ZNF540: variants seen among roughly 807,000 people sequenced by gnomAD.
ZNF540 encodes the protein CTD-3064H18.6.
ZNF540 carries 3 observed loss-of-function variants against 11.8 expected under a neutral mutation model. The ratio of observed to expected loss-of-function variants is 0.25; its 90% CI spans 0.12 to 0.65. The LOEUF is 0.65. ZNF540 is among the 30% of genes least tolerant of loss of function. ZNF540 has a pLI of 0.83. For missense variants in ZNF540, 709 were observed against 793.1 expected (o/e 0.89, Z 1.27); for synonymous variants, 247 against 259.0 (o/e 0.95, Z 0.45).
chr19:37,591,685 C>T (rs941984524), upstream of ZNF540, among the ~76,000 whole-genome samples: 1 of 152,032 alleles, frequency 6.6e-6, no homozygotes, highest in Non-Finnish European at 1.5e-5. Flanking sequence ...GCTGGGATTA[C>T]AGGAATGTGC....
chr19:37,568,946 G>T (rs775566587), intron 1 of ZNF540, among the ~76,000 whole-genome samples: 1 of 151,692 alleles, frequency 6.6e-6, no homozygotes, highest in South Asian at 2.1e-4. Context: ...GCTGACACTC[G>T]GGAAGCCCAA....
chr19:37,588,649 C>T (rs577242008), intron 1 of ZNF540, among the ~76,000 whole-genome samples: 2 of 152,148 alleles, frequency 1.3e-5, no homozygotes, highest in African/African-American at 4.8e-5. Flanking sequence ...CCCCAAACCT[C>T]GGCATCACAC....
intron 1 of ZNF540, among the ~76,000 whole-genome samples, chr19:37,581,313 A>G (rs2043451031): frequency 6.6e-6 from 1 of 152,156 alleles, no homozygotes; most frequent in East Asian, 1.9e-4. Flanking sequence ...ATAATAATAC[A>G]TAATGTCAAA....
chr19:37,557,759 A>G (rs2042675740), intron 1 of ZNF540, among the ~76,000 whole-genome samples: 1 of 152,222 alleles, frequency 6.6e-6, no homozygotes, highest in Non-Finnish European at 1.5e-5. Context: ...ATATTGCAAG[A>G]TGCGAGCATT....
At chr19:37,593,115 CTTAT>C (rs1328093311), upstream of ZNF540, among the ~76,000 whole-genome samples, 1 of 151,272 alleles carries the variant, frequency 6.6e-6, no homozygotes, top group Non-Finnish European at 1.5e-5. Context: ...TTGTTTTAAA[CTTAT>C]TGTTAGTTTT....
Position 37,599,647 on chromosome 19 carries a change from G to A in ZNF540, c.31G>A (p.Val11Met). ...TCAGGCATTGGTGACGTTCAGGGAT[G>A]TGGCTATAGACTTCTCTCAGAAGGA... The part of the protein sequence containing the change: MAHALVTFRD[V>M]AIDFSQKEWE... The change falls in exon 3 of 5, where the codon GTG becomes ATG. Residue 11 changes from valine to methionine, a missense_variant. Val to Met is a conservative substitution (Grantham distance 21). Coordinates refer to ENST00000316433, the MANE Select transcript of ZNF540 (RefSeq NM_001172225.3). The A allele has an allele frequency of 6.2e-7, 1 of 1,614,110 alleles. No homozygotes were observed. The highest frequency in any genetic ancestry group is 8.5e-7 in the Non-Finnish European group (1 of 1,179,988).
intron 4 of ZNF540, among the ~76,000 whole-genome samples, chr19:37,609,545 G>T (rs576956822): frequency 6.7e-6 from 1 of 148,530 alleles, no homozygotes; most frequent in African/African-American, 2.5e-5. Flanking sequence ...ACTCTGTCTT[G>T]GGGGGCAAAA....
rs370398471 is a variant in ZNF540 at position 37,612,732 on chromosome 19, A to G, written c.1452A>G (p.Leu484=). 4 of 1,614,006 alleles carry G rather than the reference A, an allele frequency of 2.5e-6. No individual in the cohort carries two copies. Among genetic ancestry groups the G allele is most frequent in the Non-Finnish European group, 3.4e-6 (4 of 1,179,994 alleles). The change falls in exon 5 of 5, where the codon CTA becomes CTG. Residue 484 remains leucine (L), a synonymous_variant. Transcript: ENST00000316433. The stretch of plus-strand genomic sequence containing the variant: ...TTCGAGTTCGTTCTCAAATTAGTCT[A>G]CATAAGAAAATTCATACTGATGTGA... ...KTFRVRSQIS[L]HKKIHTDVKP... is the part of the protein sequence containing the mutation.
chr19:37,589,200 C>A (rs1475679174), intron 1 of ZNF540, among the ~76,000 whole-genome samples: 410 of 108,584 alleles, frequency 3.8e-3, no homozygotes, highest in Middle Eastern at 9.7e-3. Flanking sequence ...AACTCCGTCT[C>A]AAAAAAAAAA....
intron 1 of ZNF540, among the ~76,000 whole-genome samples, chr19:37,574,128 T>A (rs1319328773): frequency 1.3e-5 from 2 of 152,190 alleles, no homozygotes; most frequent in Non-Finnish European, 2.9e-5. Flanking sequence ...GGAGGCCTAT[T>A]TAAAACTATA....
chr19:37,579,403 A>G (rs759393192), intron 1 of ZNF540, among the ~76,000 whole-genome samples: 1 of 152,166 alleles, frequency 6.6e-6, no homozygotes, highest in Non-Finnish European at 1.5e-5. Context: ...CACAACACCC[A>G]TTCACACAGG....
intron 1 of ZNF540, among the ~76,000 whole-genome samples, chr19:37,556,995 G>A (rs1046007820): frequency 1.3e-5 from 2 of 152,126 alleles, no homozygotes; most frequent in South Asian, 2.1e-4. Flanking sequence ...GGTGAAGGCC[G>A]GTCCATTATC....
In ZNF540 at chr19:37,611,695, A is replaced by G. The variant is rs375750130; in HGVS notation, c.415A>G (p.Ile139Val). 10 of 1,613,832 alleles carry G rather than the reference A, an allele frequency of 6.2e-6. No individual in the cohort carries two copies. Among genetic ancestry groups the G allele is most frequent in the Non-Finnish European group, 7.6e-6 (9 of 1,179,954 alleles). Residue 139 changes from isoleucine (I) to valine (V), a missense_variant, in exon 5 of 5, where the codon ATC (isoleucine) becomes GTC (valine). Coordinates refer to ENST00000316433, the MANE Select transcript of ZNF540 (RefSeq NM_001172225.3). Reference sequence around the variant, plus strand: ...TCAACAGGGACTTAAAGAAAGATCTATCAGTCAAAAGAAAATCGTCTCTAA... The same window carrying G: ...TCAACAGGGACTTAAAGAAAGATCTGTCAGTCAAAAGAAAATCGTCTCTAA... ...EGQQGLKERS[I>V]SQKKIVSKKM...
At chr19:37,570,047 A>C (rs763121900) in intron 1 of ZNF540, 3 of 152,206 alleles carry the variant, frequency 2.0e-5, no homozygotes, top group Non-Finnish European at 4.4e-5. Context: ...CAGAGATCTC[A>C]ATTTCCATAA....
At chr19:37,586,521 T>C (rs1236880385) in intron 1 of ZNF540, 8 of 821,812 alleles carry the variant, frequency 9.7e-6, no homozygotes, top group African/African-American at 1.7e-5. Context: ...ATTGGGCTCT[T>C]TGCTACTATT....
intron 4 of ZNF540, among the ~76,000 whole-genome samples, chr19:37,601,407 T>C (rs1394152623): frequency 1.3e-5 from 2 of 152,214 alleles, no homozygotes; most frequent in Non-Finnish European, 2.9e-5. Flanking sequence ...CTTTTCTCCA[T>C]TGACATGTGT....
intron 4 of ZNF540, among the ~76,000 whole-genome samples, chr19:37,601,749 A>C (rs1252563686): frequency 1.3e-5 from 2 of 152,230 alleles, no homozygotes; most frequent in African/African-American, 4.8e-5. Context: ...AGGCCATGTG[A>C]ATATCTGGAA....
At chr19:37,580,583 A>T (rs2043420746) in intron 1 of ZNF540, among the ~76,000 whole-genome samples, 1 of 151,794 alleles carries the variant, frequency 6.6e-6, no homozygotes, top group Admixed American at 6.6e-5. Context: ...GTCTTGGGGG[A>T]TGGGGTTTAG....
At chr19:37,589,789 C>G (rs1190033762) in intron 1 of ZNF540, among the ~76,000 whole-genome samples, 1 of 129,060 alleles carries the variant, frequency 7.7e-6, no homozygotes, top group Non-Finnish European at 1.6e-5. Context: ...TGCTTGAACC[C>G]GGGAGTTGGA....
Sources: gnomAD v4.1 joint callset for allele counts (sites outside exome capture counted in the v4.1 genomes callset) on GRCh38, gnomAD v4.1.1 for gene constraint, MANE v1.5 for transcripts, NCBI Gene and HGNC (gene_info 2026-07-23, HGNC 2026-07-21) for gene names.